The following GRM5 variants were observed in gnomAD, a reference collection of about 807,000 sequenced individuals.
GRM5 encodes glutamate metabotropic receptor 5.
GRM5 carries 19 observed loss-of-function variants against 83.1 expected under a neutral mutation model. The observed-to-expected ratio is 0.23, with a 90% CI of 0.16 to 0.34. The LOEUF is 0.34. GRM5 is among the 10% of genes least tolerant of loss of function. The pLI, the probability that GRM5 is intolerant of heterozygous loss-of-function variation, is 1.00. For missense variants in GRM5, 1,160 were observed against 1,588.3 expected, an observed-to-expected ratio of 0.73 and a Z score of 4.58; for synonymous variants, 675 against 633.6, an observed-to-expected ratio of 1.07 and a Z score of -0.98.
At chr11:88,743,304 G>C (rs11021142) in intron 3 of GRM5, among the ~76,000 whole-genome samples, 2,522 of 152,194 alleles carry the variant, frequency 0.017, 44 homozygotes, top group East Asian at 0.069. Context: ...ACCAAACTGG[G>C]TACACGATAG....
rs11822169 is a variant in GRM5 at position 88,626,692 on chromosome 11, G to A, written c.1148-21728C>T. 9.9e-3 allele frequency among the ~76,000 whole-genome samples: 1,504 copies of A among 152,252 alleles called. 19 individuals are homozygous for A. The highest frequency in any genetic ancestry group is 0.034 in the African/African-American group (1,429 of 41,514). ...TGTTGAAGAAACTCTAATTCCTAGT[G>A]TGATGGTATTTGGAGATGAAGTTTT... is the stretch of plus-strand genomic sequence containing the variant. On this transcript the variant is annotated intron_variant, in intron 4 of 9. Coordinates refer to ENST00000305447, the MANE Select transcript of GRM5 (RefSeq NM_001143831.3).
intron 3 of GRM5, among the ~76,000 whole-genome samples, chr11:88,848,342 A>G (rs1317905856): frequency 1.3e-5 from 2 of 152,220 alleles, no homozygotes; most frequent in Non-Finnish European, 2.9e-5. Flanking sequence ...ATCGGACAGA[A>G]AAGAATTGGG....
At chr11:88,809,766 T>C (rs1159371806) in intron 3 of GRM5, among the ~76,000 whole-genome samples, 1 of 114,260 alleles carries the variant, frequency 8.8e-6, no homozygotes, top group Non-Finnish European at 1.6e-5. Flanking sequence ...GCAGTTAATA[T>C]GTCAAAAAAA....
intron 3 of GRM5, among the ~76,000 whole-genome samples, chr11:88,787,915 T>C (rs889079048): frequency 5.3e-5 from 8 of 152,204 alleles, no homozygotes; most frequent in African/African-American, 1.7e-4. Flanking sequence ...AGTGGAGATG[T>C]CACGTAGGCA....
chr11:88,713,891 A>C (rs549728726), intron 3 of GRM5, among the ~76,000 whole-genome samples: 4 of 152,016 alleles, frequency 2.6e-5, no homozygotes, highest in Non-Finnish European at 5.9e-5. Flanking sequence ...GAAGAAATTG[A>C]AAGCAAATTT....
intron 2 of GRM5, among the ~76,000 whole-genome samples, chr11:88,905,087 G>C (rs1182469165): frequency 6.6e-6 from 1 of 152,098 alleles, no homozygotes; most frequent in Admixed American, 6.6e-5. Context: ...GTTCAGATGT[G>C]TCTATATAAT....
intron 2 of GRM5, among the ~76,000 whole-genome samples, chr11:88,932,565 T>C (rs1937751215): frequency 6.6e-6 from 1 of 151,922 alleles, no homozygotes; most frequent in Non-Finnish European, 1.5e-5. Flanking sequence ...AGATGTTATA[T>C]AAATATATAA....
chr11:88,984,648 T>C (rs1241510386), intron 2 of GRM5: 12 of 448,654 alleles, frequency 2.7e-5, no homozygotes, highest in Non-Finnish European at 2.9e-5. Context: ...GAATAAATGA[T>C]ATTCACTTTA....
chr11:88,659,118 A>G (rs1012823199), intron 3 of GRM5, among the ~76,000 whole-genome samples: 9 of 152,188 alleles, frequency 5.9e-5, no homozygotes, highest in Admixed American at 5.9e-4. Flanking sequence ...ATTTATAAGG[A>G]ATCTTAATGT....
At chr11:88,537,465 C>T (rs1461207375) in intron 8 of GRM5, among the ~76,000 whole-genome samples, 1 of 152,066 alleles carries the variant, frequency 6.6e-6, no homozygotes, top group Non-Finnish European at 1.5e-5. Context: ...AATATTTTAA[C>T]AACTTCAGAG....
intron 2 of GRM5, among the ~76,000 whole-genome samples, chr11:88,903,888 A>G (rs548416380): frequency 6.6e-6 from 1 of 152,300 alleles, no homozygotes; most frequent in East Asian, 1.9e-4. Context: ...TGCATTCCAT[A>G]TATTTATTAA....
chr11:88,567,691 T>C lies in GRM5; in HGVS notation c.1992A>G (p.Thr664=). ...SPAMSYSALV[T]KTNRIARILA... ...GGATCCTTGCAATACGGTTGGTCTT[T>C]GTTACAAGGGCTGAGTAGCTCATGG... The change falls in exon 8 of 10, where the codon ACA becomes ACG. Residue 664 remains threonine, a synonymous_variant. Transcript: ENST00000305447. The surrounding 1 kb of genome is among the most constrained non-coding windows in gnomAD (Gnocchi z 7.3). 1 of 1,614,166 alleles carries C rather than the reference T, an allele frequency of 6.2e-7. No individual in the cohort carries two copies. Among genetic ancestry groups the C allele is most frequent in the Non-Finnish European group, 8.5e-7 (1 of 1,180,010 alleles).
rs1385832715 is a variant in GRM5 at position 88,945,950 on chromosome 11, G to A, written c.662-95795C>T. ...AAATGATCAACCAAGTAAACAGACA[G>A]CCTGTCAGAATGGAAGAAAATATCT... On this transcript the variant is annotated intron_variant, in intron 2 of 9. Coordinates refer to ENST00000305447, the MANE Select transcript of GRM5 (RefSeq NM_001143831.3). 3.3e-5 allele frequency among the ~76,000 whole-genome samples: 5 copies of A among 152,040 alleles called. 1 individual carries two copies. The South Asian group carries it at 1.0e-3, about 31-fold the overall frequency.
At chr11:88,874,831 A>G (rs1944823840) in intron 2 of GRM5, among the ~76,000 whole-genome samples, 1 of 152,160 alleles carries the variant, frequency 6.6e-6, no homozygotes, top group East Asian at 1.9e-4. Flanking sequence ...TATAAAAGTT[A>G]TAATACCACA....
At chr11:88,665,856 G>GAA (rs112797355) in intron 3 of GRM5, among the ~76,000 whole-genome samples, 98,993 of 146,004 alleles carry the variant, frequency 0.68, 38,517 homozygotes, top group Non-Finnish European at 0.88. Context: ...TGATCCAGGA[G>GAA]AAAAAAAAAA....
chr11:88,671,017 C>T (rs1313671534), intron 3 of GRM5, among the ~76,000 whole-genome samples: 1 of 151,972 alleles, frequency 6.6e-6, no homozygotes, highest in African/African-American at 2.4e-5. Flanking sequence ...ACTGACAGAG[C>T]AGGAGCATCG....
intron 3 of GRM5, among the ~76,000 whole-genome samples, chr11:88,773,676 C>G (rs1180233411): frequency 6.6e-6 from 1 of 152,118 alleles, no homozygotes; most frequent in Non-Finnish European, 1.5e-5. Context: ...ATATGGCTAG[C>G]CAGCTTTCCC....
intron 2 of GRM5, among the ~76,000 whole-genome samples, chr11:88,869,084 G>A (rs1197080671): frequency 1.3e-5 from 2 of 151,806 alleles, no homozygotes; most frequent in Non-Finnish European, 3.0e-5. Flanking sequence ...CTAACACACA[G>A]GAATAGCAAG....
intron 2 of GRM5, among the ~76,000 whole-genome samples, chr11:88,867,662 A>G (rs1239279221): frequency 1.3e-5 from 2 of 151,502 alleles, no homozygotes; most frequent in South Asian, 2.1e-4. Flanking sequence ...GTGGTCCCTA[A>G]TCTAGCTGAA....
Sources: allele counts gnomAD v4.1 joint callset (sites outside exome capture counted in the v4.1 genomes callset), GRCh38; gene constraint gnomAD v4.1.1; non-coding constraint Gnocchi (gnomAD v3.1); transcripts MANE v1.5; gene names NCBI Gene and HGNC (gene_info 2026-07-23, HGNC 2026-07-21).